The following WDFY4 variants were observed in gnomAD, a reference collection of about 807,000 sequenced individuals.
WDFY4 encodes WD repeat- and FYVE domain-containing protein 4.
A neutral mutation model predicts 351.9 loss-of-function variants in WDFY4; 169 were observed. The observed-to-expected ratio is 0.48, with a 90% CI of 0.42 to 0.55. WDFY4 has a LOEUF of 0.55. Among genes scored for constraint, WDFY4 ranks in the 20% least tolerant of loss-of-function variants. The pLI, the probability that WDFY4 is intolerant of heterozygous loss-of-function variation, is 0.00. For missense variants in WDFY4, 3,803 were observed against 3,935.6 expected (o/e 0.97, Z 0.90); for synonymous variants, 1,622 against 1,574.6 (o/e 1.03, Z -0.71).
chr10:48,878,490 C>T (rs2070118120), intron 43 of WDFY4: 1 of 152,274 alleles, frequency 6.6e-6, no homozygotes, highest in South Asian at 2.1e-4. Flanking sequence ...AGATTTGGGT[C>T]ACAGTTCAAG....
intron 5 of WDFY4, 47 bp downstream of exon 5, chr10:48,723,614 C>T (rs966751040): frequency 7.1e-6 from 11 of 1,548,006 alleles, no homozygotes; most frequent in African/African-American, 2.7e-5. Flanking sequence ...AACCTCACTT[C>T]GGGGACAGAC....
At chr10:48,752,545 C>G (rs2065215317) in intron 12 of WDFY4, among the ~76,000 whole-genome samples, 1 of 152,206 alleles carries the variant, frequency 6.6e-6, no homozygotes, top group African/African-American at 2.4e-5. Context: ...CATTCTCATT[C>G]TTTTCCCCAG....
chr10:48,974,527 A>AAAAAAAAAAAAAAAAAACAACAAAACAAC, intron 57 of WDFY4, among the ~76,000 whole-genome samples: 1 of 23,148 alleles, frequency 4.3e-5, no homozygotes, highest in African/African-American at 7.3e-5. Flanking sequence ...AAAAAAAAAA[A>AAAAAAAAAAAAAAAAAACAACAAAACAAC]AACAACTCAT....
At chr10:48,774,971 G>A (rs553440464) in intron 14 of WDFY4, among the ~76,000 whole-genome samples, 1 of 152,310 alleles carries the variant, frequency 6.6e-6, no homozygotes, top group South Asian at 2.1e-4. Context: ...GGAGGGAACT[G>A]GGCCTGGAAG....
intron 51 of WDFY4, among the ~76,000 whole-genome samples, chr10:48,947,735 A>G (rs1389513969): frequency 6.6e-6 from 1 of 152,100 alleles, no homozygotes; most frequent in East Asian, 1.9e-4. Flanking sequence ...CCTGCTTCCA[A>G]GGAGCCCCTT....
chr10:48,731,225 G>C lies in WDFY4; in HGVS notation c.1245G>C (p.Trp415Cys). The C allele has an allele frequency of 1.3e-6, 2 of 1,551,850 alleles. No homozygotes were observed. The highest frequency in any genetic ancestry group is 1.7e-6 in the Non-Finnish European group (2 of 1,147,014). Residue 415 changes from tryptophan to cysteine, a missense_variant, in exon 9 of 62, where the codon TGG becomes TGC. Around this residue, in one of 3 missense-constraint regions of WDFY4, gnomAD observed 261 missense variants for 330.2 expected, o/e 0.79. Coordinates refer to ENST00000325239, the MANE Select transcript of WDFY4 (RefSeq NM_001394531.1). ...CAGTCATCAGGACCATGTGGGCCTG[G>C]AATGCTCGAAACTTCTTCCTGCTGG... is the stretch of plus-strand genomic sequence containing the variant. ...VLSVIRTMWAWNARNFFLLEW... is the reference protein window; with the variant it reads ...VLSVIRTMWACNARNFFLLEW...
intron 8 of WDFY4, among the ~76,000 whole-genome samples, chr10:48,730,648 C>A (rs968867433): frequency 6.6e-6 from 1 of 152,174 alleles, no homozygotes; most frequent in East Asian, 1.9e-4. Context: ...TAGCCCAATG[C>A]TCTCCAATGG....
chr10:48,885,620 C>G (rs762365142), intron 43 of WDFY4, among the ~76,000 whole-genome samples: 1 of 152,074 alleles, frequency 6.6e-6, no homozygotes, highest in Non-Finnish European at 1.5e-5. Context: ...GATGTACTTA[C>G]GTGAAAAGAT....
At chr10:48,981,626 G>A (rs563834664) in intron 61 of WDFY4, 148 bp downstream of exon 61, 29 of 705,240 alleles carry the variant, frequency 4.1e-5, no homozygotes, top group South Asian at 5.6e-5. Context: ...GAAGCAGCCC[G>A]TGTGGCCATA....
At chr10:48,868,574 A>G (rs1186152417) in intron 40 of WDFY4, among the ~76,000 whole-genome samples, 1 of 152,194 alleles carries the variant, frequency 6.6e-6, no homozygotes, top group Non-Finnish European at 1.5e-5. Context: ...AATGACTCAC[A>G]ACATGGATTG....
At chr10:48,767,437 C>G (rs981683524) in intron 13 of WDFY4, among the ~76,000 whole-genome samples, 1 of 152,212 alleles carries the variant, frequency 6.6e-6, no homozygotes, top group African/African-American at 2.4e-5. Flanking sequence ...ATATTTCCAA[C>G]TGACATTACA....
chr10:48,844,830 A>G (rs2068722498), intron 39 of WDFY4, among the ~76,000 whole-genome samples: 1 of 152,220 alleles, frequency 6.6e-6, no homozygotes, highest in Non-Finnish European at 1.5e-5. Flanking sequence ...TAAGGCTCCC[A>G]CACTCTGTTT....
intron 1 of WDFY4, among the ~76,000 whole-genome samples, chr10:48,700,601 C>T (rs925023791): frequency 1.3e-5 from 2 of 152,270 alleles, no homozygotes; most frequent in Non-Finnish European, 2.9e-5. Flanking sequence ...ATTCTCACTC[C>T]TGAGAACACC....
chr10:48,801,049 A>G (rs2067072712), intron 24 of WDFY4, among the ~76,000 whole-genome samples: 1 of 152,170 alleles, frequency 6.6e-6, no homozygotes, highest in African/African-American at 2.4e-5. Context: ...TTCTTAAAGA[A>G]GGAACTGACT....
At chr10:48,697,823 A>G (rs1031020722) in intron 1 of WDFY4, among the ~76,000 whole-genome samples, 9 of 152,176 alleles carry the variant, frequency 5.9e-5, no homozygotes, top group African/African-American at 2.2e-4. Flanking sequence ...GCCAGGTCTA[A>G]CCATGCTGGC....
chr10:48,829,183 C>T (rs2068107152), intron 37 of WDFY4, among the ~76,000 whole-genome samples: 1 of 152,166 alleles, frequency 6.6e-6, no homozygotes, highest in Admixed American at 6.5e-5. Flanking sequence ...GAAGAGAAAG[C>T]TCCATGGGAC....
At chr10:48,759,777 G>T (rs1018172162) in intron 12 of WDFY4, among the ~76,000 whole-genome samples, 1 of 152,208 alleles carries the variant, frequency 6.6e-6, no homozygotes, top group Non-Finnish European at 1.5e-5. Context: ...CACACCAGGG[G>T]ATGCTGCAGA....
At chr10:48,790,991 G>T (rs1165668240) in intron 23 of WDFY4, 74 bp downstream of exon 23, 2 of 1,511,642 alleles carry the variant, frequency 1.3e-6, no homozygotes, top group Admixed American at 4.0e-5. Flanking sequence ...GACAAGCGTT[G>T]CTTGCCTCAG....
chr10:48,774,032 G>T (rs2065949706), intron 13 of WDFY4, among the ~76,000 whole-genome samples: 1 of 152,206 alleles, frequency 6.6e-6, no homozygotes, highest in African/African-American at 2.4e-5. Context: ...AGCATGGCCA[G>T]ATCGTCCCAT....
Sources: allele counts gnomAD v4.1 joint callset (sites outside exome capture counted in the v4.1 genomes callset), GRCh38; gene constraint gnomAD v4.1.1; regional missense constraint gnomAD v4.1.1; transcripts MANE v1.5; gene names NCBI Gene and HGNC (gene_info 2026-07-23, HGNC 2026-07-21).